The following CSMD1 variants were observed in gnomAD, a reference collection of about 807,000 sequenced individuals.
CSMD1 encodes the protein CUB and sushi domain-containing protein 1.
Under a neutral mutation model 417.5 loss-of-function variants are expected in CSMD1, and 213 were observed. The observed-to-expected ratio is 0.51, with a 90% CI of 0.46 to 0.57. The LOEUF (loss-of-function observed/expected upper bound fraction) is 0.57, where lower values mean the gene tolerates loss of function less well. CSMD1 is among the 20% of genes least tolerant of loss of function. CSMD1 has a pLI of 0.00. For synonymous variants in CSMD1, 2,862 were observed against 1,736.8 expected (o/e 1.65, Z -16.11); for missense variants, 6,923 against 4,529.7 (o/e 1.53, Z -15.17).
At chr8:4,183,023 T>G (rs549612349) in intron 3 of CSMD1, among the ~76,000 whole-genome samples, 1 of 152,122 alleles carries the variant, frequency 6.6e-6, no homozygotes, top group African/African-American at 2.4e-5. Flanking sequence ...ATGGGATGAG[T>G]AGAAAGTACA....
chr8:3,836,411 GAA>G (rs1802705617), intron 5 of CSMD1, among the ~76,000 whole-genome samples: 1 of 152,044 alleles, frequency 6.6e-6, no homozygotes, highest in Admixed American at 6.6e-5. Flanking sequence ...TTAGGTGATG[GAA>G]AATTTCTCCA....
chr8:4,620,822 T>G (rs2616978), intron 2 of CSMD1, among the ~76,000 whole-genome samples: 1 of 151,438 alleles, frequency 6.6e-6, no homozygotes, highest in African/African-American at 2.4e-5. Flanking sequence ...GACTTTATAT[T>G]CCACTTAACT....
At chr8:3,821,796 GCAAA>G (rs536994167) in intron 5 of CSMD1, among the ~76,000 whole-genome samples, 28 of 151,944 alleles carry the variant, frequency 1.8e-4, no homozygotes, top group African/African-American at 5.1e-4. Flanking sequence ...AAACAAACAA[GCAAA>G]CAAACAAACA....
At position 2,978,817 on chromosome 8, in the gene CSMD1, T is replaced by A; in HGVS notation, c.8378-17A>T. ...AGTTCACCACTAGAAAATAAAACAT[T>A]TCACACACCATTTAGAAACAGCTAG... On this transcript the variant is annotated splice_polypyrimidine_tract_variant and intron_variant, in intron 54 of 69. Coordinates refer to ENST00000635120, the MANE Select transcript of CSMD1 (RefSeq NM_033225.6). The A allele has an allele frequency of 2.5e-6, 4 of 1,570,888 alleles. No homozygotes were observed. The highest frequency in any genetic ancestry group is 3.5e-6 in the Non-Finnish European group (4 of 1,158,352).
At chr8:3,845,143 T>A (rs888824990) in intron 5 of CSMD1, among the ~76,000 whole-genome samples, 1 of 152,220 alleles carries the variant, frequency 6.6e-6, no homozygotes, top group African/African-American at 2.4e-5. Flanking sequence ...GACATTGAAT[T>A]GAAGGCAGGA....
intron 1 of CSMD1, among the ~76,000 whole-genome samples, chr8:4,977,374 T>C (rs1397697813): frequency 6.6e-6 from 1 of 152,062 alleles, no homozygotes; most frequent in Non-Finnish European, 1.5e-5. Flanking sequence ...TGAGCAGCTC[T>C]CCTCATGGCA....
At chr8:3,804,941 G>T (rs1041513643) in intron 5 of CSMD1, among the ~76,000 whole-genome samples, 25 of 152,176 alleles carry the variant, frequency 1.6e-4, no homozygotes, top group African/African-American at 5.8e-4. Context: ...AGTAATGAAT[G>T]ACTTCTCCAC....
chr8:4,578,329 CTCAT>C (rs1195824897), intron 2 of CSMD1, among the ~76,000 whole-genome samples: 1 of 81,422 alleles, frequency 1.2e-5, no homozygotes, highest in Non-Finnish European at 2.2e-5. Flanking sequence ...CGACACCCGG[CTCAT>C]TTTTTTTTTT....
chr8:3,048,314 G>A (rs565143426), intron 50 of CSMD1, among the ~76,000 whole-genome samples: 61 of 152,102 alleles, frequency 4.0e-4, no homozygotes, highest in African/African-American at 1.3e-3. Flanking sequence ...AAAAGTGTCC[G>A]ATACATCATA....
At chr8:3,584,930 G>C (rs1800533894) in intron 9 of CSMD1, among the ~76,000 whole-genome samples, 1 of 152,108 alleles carries the variant, frequency 6.6e-6, no homozygotes, top group Admixed American at 6.5e-5. Context: ...TGTTAGAATT[G>C]AAAAATGCAC....
In CSMD1 at chr8:3,733,185, AC is replaced by A; in HGVS notation, c.931+20744del. 1.4e-5 allele frequency among the ~76,000 whole-genome samples: 2 copies of A among 147,566 alleles called. 1 individual carries two copies. The highest frequency in any genetic ancestry group is 4.2e-4 in the South Asian group (2 of 4,744). ...GCCATAAATACACACACACACACAC[AC>A]ACACACACACACACACACACTCTCT... On this transcript the variant is annotated intron_variant, in intron 6 of 69. Transcript: ENST00000635120.
Position 3,919,759 on chromosome 8 carries a change from C to T in CSMD1, c.818+78144G>A, listed in dbSNP as rs190591122. 1.9e-3 allele frequency among the ~76,000 whole-genome samples: 291 copies of T among 152,118 alleles called. 1 individual carries two copies. The highest frequency in any genetic ancestry group is 2.9e-3 in the Non-Finnish European group (198 of 68,010). On this transcript the variant is annotated intron_variant, in intron 5 of 69. Coordinates refer to ENST00000635120, the MANE Select transcript of CSMD1 (RefSeq NM_033225.6). ...TTTTAAAAATATTAATTATTCCAAT[C>T]CAGGAACACAAGCTATCTTTCCATT... is the stretch of plus-strand genomic sequence containing the variant.
chr8:3,873,507 A>T (rs1048672565), intron 5 of CSMD1, among the ~76,000 whole-genome samples: 7 of 152,082 alleles, frequency 4.6e-5, no homozygotes, highest in Non-Finnish European at 1.5e-5. Flanking sequence ...GAATAATAAG[A>T]ACACAGGGAC....
At chr8:4,160,278 G>T (rs148748116) in intron 3 of CSMD1, among the ~76,000 whole-genome samples, 1 of 151,914 alleles carries the variant, frequency 6.6e-6, no homozygotes, top group Non-Finnish European at 1.5e-5. Context: ...CTGATTCTTG[G>T]AAAGTACTGA....
intron 1 of CSMD1, among the ~76,000 whole-genome samples, chr8:4,952,878 G>A (rs1448513292): frequency 6.6e-6 from 1 of 152,084 alleles, no homozygotes; most frequent in Non-Finnish European, 1.5e-5. Context: ...CTGTGATGTT[G>A]TTAACAAATG....
chr8:3,198,985 C>T (rs1796847005), intron 33 of CSMD1, among the ~76,000 whole-genome samples: 1 of 152,180 alleles, frequency 6.6e-6, no homozygotes. Context: ...TTCCAGATCT[C>T]AACCTTTACA....
intron 3 of CSMD1, among the ~76,000 whole-genome samples, chr8:4,407,969 C>T (rs549688882): frequency 2.0e-5 from 3 of 152,192 alleles, no homozygotes; most frequent in African/African-American, 4.8e-5. Flanking sequence ...TCCTCCTACA[C>T]CCGGCAAAAA....
At chr8:3,241,163 A>G (rs1193063211) in intron 26 of CSMD1, among the ~76,000 whole-genome samples, 26 of 151,784 alleles carry the variant, frequency 1.7e-4, no homozygotes, top group Admixed American at 1.7e-3. Context: ...AGGGAAGCAG[A>G]TAATTTAGTT....
rs111821508 is a variant in CSMD1, at chr8:3,603,639, G to C, written c.1097+13071C>G. ...AATGGAAACGGATTATGTCACAAAGGGGATTTTTTTCCAACAAGAAACCAA... is the reference window on the plus strand; with the variant it reads ...AATGGAAACGGATTATGTCACAAAGCGGATTTTTTTCCAACAAGAAACCAA... On this transcript the variant is annotated intron_variant, in intron 8 of 69. Transcript: ENST00000635120. Among the ~76,000 whole-genome samples, 613 of 152,158 alleles carry C rather than the reference G, an allele frequency of 4.0e-3. 6 individuals carry two copies. The highest frequency in any genetic ancestry group is 0.014 in the African/African-American group (583 of 41,510).
Sources: gnomAD v4.1 joint callset for allele counts (sites outside exome capture counted in the v4.1 genomes callset) on GRCh38, gnomAD v4.1.1 for gene constraint, MANE v1.5 for transcripts, NCBI Gene and HGNC (gene_info 2026-07-23, HGNC 2026-07-21) for gene names.